The following BEND2 variants were observed in gnomAD, a reference collection of about 807,000 sequenced individuals.
BEND2 encodes BEN domain containing 2, also known as BEN domain-containing protein 2.
BEND2 carries 19 observed loss-of-function variants against 43.8 expected under a neutral mutation model. That is an observed-to-expected ratio of 0.43 (90% CI 0.30 to 0.64). The LOEUF (loss-of-function observed/expected upper bound fraction) is 0.64. BEND2 is among the 30% of genes least tolerant of loss of function. The pLI is 0.11. For missense variants in BEND2, 544 were observed against 574.0 expected (o/e 0.95, Z 0.53); for synonymous variants, 226 against 210.1 (o/e 1.08, Z -0.66).
chrX:18,218,094 C>A (rs1925731217), intron 1 of BEND2, among the ~76,000 whole-genome samples: 1 of 109,540 alleles, frequency 9.1e-6, no homozygotes, highest in Non-Finnish European at 1.9e-5. Context: ...CAAAACGAGA[C>A]CCTGTCTCAA....
At chrX:18,204,453 T>C (rs5955613) in intron 4 of BEND2, among the ~76,000 whole-genome samples, 3,552 of 112,138 alleles carry the variant, frequency 0.032, 133 homozygotes, top group African/African-American at 0.11. Context: ...CCCAAGAACA[T>C]TGCACTTCTG....
chrX:18,216,385 A>G, intron 2 of BEND2, 136 bp downstream of exon 2: 1 of 539,297 alleles, frequency 1.9e-6, no homozygotes, highest in Non-Finnish European at 3.1e-6. Context: ...AGAAGTAAAC[A>G]TTGTGGTATT....
At chrX:18,190,037 G>A (rs1478466428) in intron 8 of BEND2, among the ~76,000 whole-genome samples, 4 of 101,049 alleles carry the variant, frequency 4.0e-5, no homozygotes, top group African/African-American at 7.5e-5. Flanking sequence ...GTGACAGACC[G>A]AGACTCTATC....
In BEND2 at chrX:18,177,749, T is replaced by G. The variant is rs1417427128; in HGVS notation, c.1450A>C (p.Arg484=). ...TGGATTTTAAGTACTCTGACATTTC[T>G]TTTTGGATCACCAAGATAGCCTTTA... The part of the protein sequence containing the change: ...PKYGYLGDPK[R]NVRVLKIHLL... The change falls in exon 10 of 14, where the codon AGA becomes CGA. Residue 484 remains arginine (R), a synonymous_variant. Transcript: ENST00000380033. 3.3e-6 allele frequency: 4 copies of G among 1,207,364 alleles called. No individual in the cohort carries two copies. The African/African-American group carries it at 5.3e-5, about 16-fold the overall frequency.
chrX:18,208,501 A>T (rs943057006), intron 4 of BEND2, among the ~76,000 whole-genome samples: 42 of 111,024 alleles, frequency 3.8e-4, no homozygotes, highest in African/African-American at 1.1e-3. Context: ...TATATATATA[A>T]AAAATAAGTA....
At chrX:18,208,442 C>T (rs1221348451) in intron 4 of BEND2, among the ~76,000 whole-genome samples, 2 of 110,894 alleles carry the variant, frequency 1.8e-5, no homozygotes, top group East Asian at 2.8e-4. Context: ...GCCAAGATTG[C>T]GCCACTGCAC....
chrX:18,167,189 G>A (rs1923845761), intron 13 of BEND2, among the ~76,000 whole-genome samples: 1 of 109,647 alleles, frequency 9.1e-6, no homozygotes, highest in Admixed American at 9.8e-5. Flanking sequence ...TGTGAGGTGG[G>A]AGGATCATTT....
In BEND2 at chrX:18,177,747, T is replaced by G; in HGVS notation, c.1452A>C (p.Arg484Ser). 1 of 1,209,214 alleles carries G rather than the reference T, an allele frequency of 8.3e-7. No homozygotes were observed. The highest frequency in any genetic ancestry group is 1.1e-6 in the Non-Finnish European group (1 of 893,549). The change falls in exon 10 of 14, where the codon AGA becomes AGC. Residue 484 changes from arginine (R) to serine (S), a missense_variant. Around this residue, in one of 2 missense-constraint regions of BEND2, gnomAD observed 501 missense variants for 501.6 expected, o/e 1.00. Transcript: ENST00000380033. ...AATGGATTTTAAGTACTCTGACATT[T>G]CTTTTTGGATCACCAAGATAGCCTT... Reference protein sequence around the residue: ...PKYGYLGDPKRNVRVLKIHLL... With the variant: ...PKYGYLGDPKSNVRVLKIHLL...
intron 8 of BEND2, among the ~76,000 whole-genome samples, chrX:18,188,576 G>T (rs1385108922): frequency 9.0e-6 from 1 of 111,310 alleles, no homozygotes; most frequent in African/African-American, 3.3e-5. Flanking sequence ...AGTTTGAACC[G>T]TGAAGGAATC....
intron 6 of BEND2, among the ~76,000 whole-genome samples, chrX:18,199,935 A>G (rs1183057628): frequency 8.9e-6 from 1 of 111,903 alleles, no homozygotes; most frequent in Non-Finnish European, 1.9e-5. Flanking sequence ...TGCTGGTGGA[A>G]ATGGAAGATA....
At position 18,164,190 on chromosome X, in the gene BEND2, T is replaced by A. The variant is rs1377599205; in HGVS notation, c.*819A>T. 1 of 110,201 alleles carries A rather than the reference T, an allele frequency of 9.1e-6. No homozygotes were observed. The highest frequency in any genetic ancestry group is 1.9e-5 in the Non-Finnish European group (1 of 52,796). The allele number at this position is 110,201 out of a possible 1,213,427, so 9.1% of individuals were successfully genotyped here. A position where few individuals can be genotyped will look rare whatever the true frequency, so the allele number is the denominator to read the frequency against. ...GGTGCTTGCCACCATGCCTGGCTACTTTTTTTGTATTTTTAGTAGAGATGG... is the reference window on the plus strand; with the variant it reads ...GGTGCTTGCCACCATGCCTGGCTACATTTTTTGTATTTTTAGTAGAGATGG... On this transcript the variant is annotated 3_prime_UTR_variant, in exon 14 of 14. Coordinates refer to ENST00000380033, the MANE Select transcript of BEND2 (RefSeq NM_153346.5).
intron 4 of BEND2, among the ~76,000 whole-genome samples, chrX:18,206,622 A>C (rs1453167243): frequency 3.6e-5 from 4 of 111,040 alleles, no homozygotes; most frequent in Non-Finnish European, 7.6e-5. Context: ...GACTAGATGC[A>C]GAAAGCAGCA....
chrX:18,186,151 A>C (rs1018895786), intron 8 of BEND2, among the ~76,000 whole-genome samples: 9 of 111,780 alleles, frequency 8.1e-5, no homozygotes, highest in Non-Finnish European at 1.7e-4. Context: ...TAACTACAAC[A>C]ACTTTTCAAG....
intron 13 of BEND2, among the ~76,000 whole-genome samples, chrX:18,170,515 G>A (rs1401867627): frequency 3.6e-5 from 4 of 112,445 alleles, no homozygotes; most frequent in Non-Finnish European, 7.5e-5. Flanking sequence ...GAAATATTTT[G>A]CTTCCGCTTT....
rs1188607898 is a variant in BEND2, at chrX:18,163,466, C to T, written c.*1543G>A. ...ACATCTTAAATGCTCAATAGCCATACGAGCCTATTGGACATTGCAAATTTA... is the reference window on the plus strand; with the variant it reads ...ACATCTTAAATGCTCAATAGCCATATGAGCCTATTGGACATTGCAAATTTA... On this transcript the variant is annotated 3_prime_UTR_variant, in exon 14 of 14. Coordinates refer to ENST00000380033, the MANE Select transcript of BEND2 (RefSeq NM_153346.5). 8.9e-6 allele frequency: 1 copy of T among 111,786 alleles called. No homozygotes were observed. The highest frequency in any genetic ancestry group is 1.9e-5 in the Non-Finnish European group (1 of 53,158). The allele number at this position is 111,786 out of a possible 1,213,427, so 9.2% of individuals were successfully genotyped here.
chrX:18,202,017 CAAGA>C, intron 5 of BEND2, 77 bp from the exon 6 acceptor site: 5 of 997,112 alleles, frequency 5.0e-6, no homozygotes, highest in African/African-American at 4.0e-5. Flanking sequence ...AATTATCCTT[CAAGA>C]AAGAAAGAGA....
At chrX:18,180,725 C>A (rs1450042583) in intron 8 of BEND2, 75 bp from the exon 9 acceptor site, 6 of 743,123 alleles carry the variant, frequency 8.1e-6, no homozygotes, top group East Asian at 6.7e-5. Context: ...GGGAAATACA[C>A]TCTCAGACAA....
Position 18,188,901 on chromosome X carries a change from C to T in BEND2, c.1288+2100G>A, listed in dbSNP as rs149251503. On this transcript the variant is annotated intron_variant, in intron 8 of 13. Coordinates refer to ENST00000380033, the MANE Select transcript of BEND2 (RefSeq NM_153346.5). ...CAAAATACTAGGAAATAGAATTCAA[C>T]AATACATTAAAAAGATCAGCCGGGT... 3.6e-3 allele frequency among the ~76,000 whole-genome samples: 398 copies of T among 111,994 alleles called. 1 individual carries two copies. The highest frequency in any genetic ancestry group is 0.012 in the African/African-American group (371 of 30,865).
Position 18,167,282 on chromosome X carries a change from G to GA in BEND2, c.2186-2060dup, listed in dbSNP as rs1229246542. On this transcript the variant is annotated intron_variant, in intron 13 of 13. Transcript: ENST00000380033. ...GGCAAGAGTGAGACCCTGTCTCAAA[G>GA]AAAAAAAAAGAAAGAAAGAAAAGAA... 1.2e-4 allele frequency among the ~76,000 whole-genome samples: 12 copies of GA among 101,111 alleles called. No homozygotes were observed. In the South Asian group the frequency reaches 4.4e-3, roughly 37 times the overall value. 87.8% of individuals were successfully genotyped at this position (101,111 alleles called of 115,157 possible).
Sources: gnomAD v4.1 joint callset for allele counts (sites outside exome capture counted in the v4.1 genomes callset) on GRCh38, gnomAD v4.1.1 for gene constraint, gnomAD v4.1.1 regional missense constraint, MANE v1.5 for transcripts, NCBI Gene and HGNC (gene_info 2026-07-23, HGNC 2026-07-21) for gene names.